The following PDE11A variants were observed in gnomAD, a reference collection of about 807,000 sequenced individuals.
PDE11A encodes the protein phosphodiesterase 11A.
PDE11A carries 100 observed loss-of-function variants against 100.5 expected under a neutral mutation model. The ratio of observed to expected loss-of-function variants is 1.00; its 90% CI spans 0.85 to 1.18. The LOEUF is 1.18. PDE11A is among the 50% of genes most tolerant of loss of function. PDE11A has a pLI of 0.00. For synonymous variants in PDE11A, 381 were observed against 420.8 expected, an observed-to-expected ratio of 0.91 and a Z score of 1.16; for missense variants, 1,141 against 1,152.6, an observed-to-expected ratio of 0.99 and a Z score of 0.15.
At chr2:177,740,125 C>G (rs189660619) in intron 10 of PDE11A, among the ~76,000 whole-genome samples, 1 of 152,284 alleles carries the variant, frequency 6.6e-6, no homozygotes, top group Admixed American at 6.5e-5. Flanking sequence ...GACTGTTATT[C>G]CACACAGACA....
chr2:177,997,692 G>T, intron 2 of PDE11A: 1 of 1,553,870 alleles, frequency 6.4e-7, no homozygotes, highest in Admixed American at 1.7e-5. Flanking sequence ...TGGCTGTTAA[G>T]AAATCTGGAA....
intron 5 of PDE11A, among the ~76,000 whole-genome samples, chr2:177,843,277 C>G (rs34365395): frequency 6.6e-6 from 1 of 152,002 alleles, no homozygotes; most frequent in African/African-American, 2.4e-5. Context: ...CCCCAACATC[C>G]TAAATTATAG....
At chr2:177,634,611 G>A (rs928420115) in intron 19 of PDE11A, among the ~76,000 whole-genome samples, 1 of 151,876 alleles carries the variant, frequency 6.6e-6, no homozygotes, top group African/African-American at 2.4e-5. Flanking sequence ...GGTGGTCTCC[G>A]TCTCCTGACC....
intron 1 of PDE11A, among the ~76,000 whole-genome samples, chr2:178,016,492 C>A (rs369920130): frequency 5.6e-4 from 85 of 152,254 alleles, no homozygotes; most frequent in African/African-American, 2.0e-3. Flanking sequence ...TGAGGAACTA[C>A]TACATGTCAG....
chr2:177,929,238 C>T (rs1427100025), intron 2 of PDE11A, among the ~76,000 whole-genome samples: 1 of 152,130 alleles, frequency 6.6e-6, no homozygotes, highest in African/African-American at 2.4e-5. Flanking sequence ...AGGGTGTAGG[C>T]TCATACCCTG....
intron 2 of PDE11A, among the ~76,000 whole-genome samples, chr2:178,082,606 G>C (rs890495574): frequency 3.3e-5 from 5 of 152,190 alleles, no homozygotes; most frequent in Non-Finnish European, 7.3e-5. Context: ...ATCAGCTATA[G>C]GAGGAGTCAT....
At chr2:177,902,944 T>G (rs1293205059) in intron 3 of PDE11A, among the ~76,000 whole-genome samples, 1 of 152,156 alleles carries the variant, frequency 6.6e-6, no homozygotes, top group Non-Finnish European at 1.5e-5. Context: ...CCCCAGCCAG[T>G]TTATTATCTC....
intron 2 of PDE11A, among the ~76,000 whole-genome samples, chr2:177,907,538 A>G (rs1184595711): frequency 6.6e-6 from 1 of 152,196 alleles, no homozygotes; most frequent in Non-Finnish European, 1.5e-5. Context: ...CAGTTTGCAG[A>G]TTAGAAAACT....
chr2:177,767,331 CA>C (rs202107574), intron 10 of PDE11A, among the ~76,000 whole-genome samples: 35 of 143,632 alleles, frequency 2.4e-4, no homozygotes, highest in Admixed American at 3.5e-4. Flanking sequence ...GACTCTGTCT[CA>C]AAAAAAAAAA....
intron 2 of PDE11A, chr2:178,104,227 A>G: frequency 7.1e-7 from 1 of 1,415,338 alleles, no homozygotes; most frequent in Non-Finnish European, 1.0e-6. Flanking sequence ...TTAGGAAATT[A>G]TTATAATGCC....
chr2:177,828,972 T>C (rs541877379), intron 6 of PDE11A, among the ~76,000 whole-genome samples: 1 of 151,652 alleles, frequency 6.6e-6, no homozygotes, highest in East Asian at 2.0e-4. Flanking sequence ...AGAGGATTTG[T>C]ACATGAAATA....
intron 2 of PDE11A, among the ~76,000 whole-genome samples, chr2:177,925,832 AC>A (rs1209640719): frequency 6.6e-6 from 1 of 152,244 alleles, no homozygotes; most frequent in Non-Finnish European, 1.5e-5. Flanking sequence ...TTTTAGGTCA[AC>A]ATGGAAGATC....
intron 1 of PDE11A, among the ~76,000 whole-genome samples, chr2:178,045,530 G>T (rs755816524): frequency 6.6e-6 from 1 of 152,146 alleles, no homozygotes; most frequent in Admixed American, 6.5e-5. Flanking sequence ...AGCAGTTTGT[G>T]GTGGTTAAGA....
chr2:177,651,914 C>T (rs567712062), intron 19 of PDE11A, among the ~76,000 whole-genome samples: 26 of 152,190 alleles, frequency 1.7e-4, no homozygotes, highest in Non-Finnish European at 3.2e-4. Flanking sequence ...GTTTCTCATC[C>T]GTGAAATAAA....
At chr2:177,767,504 A>C (rs1035993036) in intron 10 of PDE11A, among the ~76,000 whole-genome samples, 2 of 152,184 alleles carry the variant, frequency 1.3e-5, no homozygotes, top group Non-Finnish European at 2.9e-5. Context: ...GCAAAAATAT[A>C]ATATAAACAT....
chr2:177,982,102 C>T (rs1473252643), intron 2 of PDE11A, among the ~76,000 whole-genome samples: 1 of 150,910 alleles, frequency 6.6e-6, no homozygotes, highest in African/African-American at 2.4e-5. Flanking sequence ...GTACTAATCA[C>T]GAATGGAAGA....
At chr2:177,861,226 G>C (rs766662375) in intron 5 of PDE11A, among the ~76,000 whole-genome samples, 29 of 151,528 alleles carry the variant, frequency 1.9e-4, no homozygotes, top group Admixed American at 4.6e-4. Context: ...TAATAAACAA[G>C]TTCAACAAGG....
At chr2:177,901,622 T>C (rs1384690564) in intron 3 of PDE11A, among the ~76,000 whole-genome samples, 7 of 152,184 alleles carry the variant, frequency 4.6e-5, no homozygotes, top group Admixed American at 1.3e-4. Context: ...GAAAAAACTT[T>C]TAAGTGAATC....
chr2:177,918,814 C>A (rs965507351), intron 2 of PDE11A, among the ~76,000 whole-genome samples: 2 of 152,052 alleles, frequency 1.3e-5, no homozygotes, highest in Non-Finnish European at 2.9e-5. Flanking sequence ...AAAATAGTCA[C>A]CACAGAAATA....
Sources: gnomAD v4.1 joint callset for allele counts (sites outside exome capture counted in the v4.1 genomes callset) on GRCh38, gnomAD v4.1.1 for gene constraint, MANE v1.5 for transcripts, NCBI Gene and HGNC (gene_info 2026-07-23, HGNC 2026-07-21) for gene names.